CAB39: variants seen among roughly 807,000 people sequenced by gnomAD.
CAB39 encodes the protein calcium-binding protein 39.
Under a neutral mutation model 40.0 loss-of-function variants are expected in CAB39, and 8 were observed. The ratio of observed to expected loss-of-function variants is 0.20; its 90% CI spans 0.12 to 0.36. The LOEUF (loss-of-function observed/expected upper bound fraction) is 0.36. Among genes scored for constraint, CAB39 ranks in the 10% least tolerant of loss-of-function variants. The pLI, the probability that CAB39 is intolerant of heterozygous loss-of-function variation, is 1.00. For missense variants in CAB39, 270 were observed against 401.1 expected, an observed-to-expected ratio of 0.67 and a Z score of 2.79; for synonymous variants, 156 against 141.6, an observed-to-expected ratio of 1.10 and a Z score of -0.72.
chr2:230,741,941 C>G (rs994233553), intron 1 of CAB39, among the ~76,000 whole-genome samples: 1 of 152,108 alleles, frequency 6.6e-6, no homozygotes, highest in Non-Finnish European at 1.5e-5. Context: ...ATAATGAAAG[C>G]AGCCATCCTT....
intron 5 of CAB39, among the ~76,000 whole-genome samples, chr2:230,801,291 A>T (rs2124969469): frequency 6.6e-6 from 1 of 152,326 alleles, no homozygotes; most frequent in African/African-American, 2.4e-5. Context: ...CCTGAAAGAA[A>T]CTCCAGTCAG....
intron 4 of CAB39, among the ~76,000 whole-genome samples, chr2:230,798,057 C>G (rs1696021119): frequency 6.6e-6 from 1 of 152,022 alleles, no homozygotes; most frequent in Non-Finnish European, 1.5e-5. Flanking sequence ...AGGTGTCTCT[C>G]TAATGGCGGG....
chr2:230,740,951 T>C (rs1559594120), intron 1 of CAB39, among the ~76,000 whole-genome samples: 1 of 152,170 alleles, frequency 6.6e-6, no homozygotes, highest in Non-Finnish European at 1.5e-5. Context: ...AAACTTAACA[T>C]AATTTAAGAT....
intron 1 of CAB39, among the ~76,000 whole-genome samples, chr2:230,740,238 G>A (rs1694853779): frequency 6.6e-6 from 1 of 152,136 alleles, no homozygotes; most frequent in African/African-American, 2.4e-5. Context: ...GGCTTTATTG[G>A]AAAGCTCCAG....
chr2:230,785,834 C>T (rs909483048), intron 2 of CAB39, among the ~76,000 whole-genome samples: 1 of 151,734 alleles, frequency 6.6e-6, no homozygotes, highest in South Asian at 2.1e-4. Flanking sequence ...AGGTGCATGC[C>T]ACCACACTCA....
intron 5 of CAB39, among the ~76,000 whole-genome samples, chr2:230,808,600 C>T (rs1696247408): frequency 6.6e-6 from 1 of 150,584 alleles, no homozygotes; most frequent in African/African-American, 2.5e-5. Context: ...AACGTTGTAG[C>T]ACTTCTTGCC....
chr2:230,718,379 T>C (rs1347851947), intron 1 of CAB39, among the ~76,000 whole-genome samples: 1 of 152,232 alleles, frequency 6.6e-6, no homozygotes, highest in Non-Finnish European at 1.5e-5. Context: ...ATCAGCTGTA[T>C]TGAGGCACTA....
At chr2:230,789,422 G>T (rs1695853748) in intron 2 of CAB39, among the ~76,000 whole-genome samples, 1 of 152,106 alleles carries the variant, frequency 6.6e-6, no homozygotes, top group African/African-American at 2.4e-5. Context: ...TTCCGGTTTT[G>T]GTCCTTTCCA....
At chr2:230,802,185 G>C (rs1696102001) in intron 5 of CAB39, among the ~76,000 whole-genome samples, 1 of 152,068 alleles carries the variant, frequency 6.6e-6, no homozygotes, top group Non-Finnish European at 1.5e-5. Flanking sequence ...ACGAAATGAA[G>C]GCAGAAATAA....
chr2:230,776,552 G>A lies in CAB39; in HGVS notation c.115-14320G>A, dbSNP rs1012231547. Reference sequence around the variant, plus strand: ...TTAAATAAATAGAATCATATAGTGTGTAAACTTTTGAGATGGGCTTTCTTC... The same window carrying A: ...TTAAATAAATAGAATCATATAGTGTATAAACTTTTGAGATGGGCTTTCTTC... On this transcript the variant is annotated intron_variant, in intron 2 of 8. Transcript: ENST00000258418. Among the ~76,000 whole-genome samples, 26 of 152,276 alleles carry A rather than the reference G, an allele frequency of 1.7e-4. 1 individual carries two copies. Among genetic ancestry groups the A allele is most frequent in the Admixed American group, 4.6e-4 (7 of 15,290 alleles).
At chr2:230,792,401 C>A (rs1390682666) in intron 3 of CAB39, among the ~76,000 whole-genome samples, 2 of 152,144 alleles carry the variant, frequency 1.3e-5, no homozygotes, top group African/African-American at 2.4e-5. Flanking sequence ...TGAGCTAGTG[C>A]GGGGCCCAGG....
At position 230,817,942 on chromosome 2, in the gene CAB39, C is replaced by T. The variant is rs367870230; in HGVS notation, c.837+45C>T. 64 of 1,539,798 alleles carry T rather than the reference C, an allele frequency of 4.2e-5. No homozygotes were observed. The Middle Eastern group carries it at 6.8e-4, about 16-fold the overall frequency. On this transcript the variant is annotated intron_variant, in intron 8 of 8. Transcript: ENST00000258418. ...AGTGATACTGTCCACTGGAATTGTTCGTCGTCTTTCATTCGCAAATAACGG... is the reference window on the plus strand; with the variant it reads ...AGTGATACTGTCCACTGGAATTGTTTGTCGTCTTTCATTCGCAAATAACGG...
chr2:230,769,748 G>A (rs1695450503), intron 2 of CAB39, among the ~76,000 whole-genome samples: 1 of 151,846 alleles, frequency 6.6e-6, no homozygotes, highest in South Asian at 2.1e-4. Flanking sequence ...GGAGACTGAG[G>A]CAGGCAAATC....
intron 2 of CAB39, among the ~76,000 whole-genome samples, chr2:230,775,910 G>A (rs1374995505): frequency 6.6e-6 from 1 of 152,084 alleles, no homozygotes; most frequent in Non-Finnish European, 1.5e-5. Context: ...AGAGGGACTT[G>A]GGGGCGCAGA....
At chr2:230,781,520 A>G (rs1458496140) in intron 2 of CAB39, among the ~76,000 whole-genome samples, 1 of 152,250 alleles carries the variant, frequency 6.6e-6, no homozygotes, top group Non-Finnish European at 1.5e-5. Flanking sequence ...TAGGGGAGCC[A>G]AGAGACCTTG....
At chr2:230,716,818 A>G (rs1342183766) in intron 1 of CAB39, among the ~76,000 whole-genome samples, 2 of 152,224 alleles carry the variant, frequency 1.3e-5, no homozygotes, top group African/African-American at 4.8e-5. Flanking sequence ...TCTGAGCAAC[A>G]TAGCAAGACC....
chr2:230,763,223 A>G (rs559635288), intron 2 of CAB39, among the ~76,000 whole-genome samples: 1 of 152,218 alleles, frequency 6.6e-6, no homozygotes, highest in Non-Finnish European at 1.5e-5. Context: ...GCTTAATAGA[A>G]AACAGCTGGC....
At chr2:230,734,227 A>G (rs918755414) in intron 1 of CAB39, among the ~76,000 whole-genome samples, 4 of 152,338 alleles carry the variant, frequency 2.6e-5, no homozygotes, top group African/African-American at 9.6e-5. Context: ...AACCAAGAAT[A>G]CAGGCACTTT....
intron 1 of CAB39, among the ~76,000 whole-genome samples, chr2:230,751,011 C>G (rs796981273): frequency 3.9e-5 from 6 of 152,300 alleles, no homozygotes; most frequent in African/African-American, 1.4e-4. Context: ...AACACAGTAT[C>G]TGTAAATAGT....
Sources: gnomAD v4.1 joint callset for allele counts (sites outside exome capture counted in the v4.1 genomes callset) on GRCh38, gnomAD v4.1.1 for gene constraint, MANE v1.5 for transcripts, NCBI Gene and HGNC (gene_info 2026-07-23, HGNC 2026-07-21) for gene names.